SPAG16: variants seen among roughly 807,000 people sequenced by gnomAD.
SPAG16 encodes the protein sperm-associated antigen 16 protein.
Under a neutral mutation model 80.4 loss-of-function variants are expected in SPAG16, and 86 were observed. That is an observed-to-expected ratio of 1.07 (90% CI 0.90 to 1.28). SPAG16 has a LOEUF of 1.28. SPAG16 is among the 50% of genes most tolerant of loss of function. The pLI is 0.00. For synonymous variants in SPAG16, 294 were observed against 265.9 expected (o/e 1.11, Z -1.03); for missense variants, 870 against 765.3 (o/e 1.14, Z -1.61).
At chr2:214,352,415 T>C (rs539551027) in intron 15 of SPAG16, among the ~76,000 whole-genome samples, 1 of 152,352 alleles carries the variant, frequency 6.6e-6, no homozygotes, top group Non-Finnish European at 1.5e-5. Flanking sequence ...ACTTGAAAAT[T>C]CCCAAATACT....
intron 10 of SPAG16, among the ~76,000 whole-genome samples, chr2:213,843,820 C>T (rs2074480589): frequency 6.6e-6 from 1 of 152,146 alleles, no homozygotes; most frequent in Non-Finnish European, 1.5e-5. Context: ...CACTGCACTC[C>T]AGCCTGGGCG....
chr2:214,172,866 T>C (rs1457959607), intron 15 of SPAG16, among the ~76,000 whole-genome samples: 2 of 152,184 alleles, frequency 1.3e-5, no homozygotes, highest in Non-Finnish European at 1.5e-5. Flanking sequence ...GGTGAACATT[T>C]TTTCATGTGT....
chr2:213,603,167 A>T (rs906793328), intron 10 of SPAG16, among the ~76,000 whole-genome samples: 1 of 152,230 alleles, frequency 6.6e-6, no homozygotes, highest in African/African-American at 2.4e-5. Context: ...GAAATATAAC[A>T]GCTGTTTTAT....
At chr2:214,021,742 A>G (rs1461555154) in intron 13 of SPAG16, among the ~76,000 whole-genome samples, 1 of 152,164 alleles carries the variant, frequency 6.6e-6, no homozygotes, top group Non-Finnish European at 1.5e-5. Flanking sequence ...ACTGTGTTAC[A>G]CCTTGCTTTG....
intron 10 of SPAG16, among the ~76,000 whole-genome samples, chr2:213,515,918 A>G (rs2075405480): frequency 6.6e-6 from 1 of 152,210 alleles, no homozygotes; most frequent in Non-Finnish European, 1.5e-5. Context: ...TGAAGTAGGA[A>G]TTGCTCAATG....
intron 14 of SPAG16, among the ~76,000 whole-genome samples, chr2:214,133,213 C>A (rs538166517): frequency 6.6e-6 from 1 of 152,076 alleles, no homozygotes; most frequent in South Asian, 2.1e-4. Context: ...GAGGTGGGGG[C>A]TATTTCGTGC....
intron 13 of SPAG16, among the ~76,000 whole-genome samples, chr2:214,076,981 A>C (rs555038588): frequency 1.1e-4 from 16 of 152,214 alleles, no homozygotes; most frequent in Admixed American, 9.8e-4. Flanking sequence ...TTGGAAATGA[A>C]CCCAGGCCGC....
chr2:213,825,749 T>A (rs1244090911), intron 10 of SPAG16, among the ~76,000 whole-genome samples: 2 of 148,858 alleles, frequency 1.3e-5, no homozygotes, highest in Admixed American at 1.3e-4. Flanking sequence ...CGTTTAGGTA[T>A]CATGGTTAAC....
intron 15 of SPAG16, among the ~76,000 whole-genome samples, chr2:214,206,183 A>ATAT (rs139038580): frequency 9.9e-5 from 15 of 151,868 alleles, no homozygotes; most frequent in Non-Finnish European, 1.8e-4. Flanking sequence ...TGTCTCAAAA[A>ATAT]ATATATATAT....
At chr2:214,305,259 ACT>A (rs1321317909) in intron 15 of SPAG16, among the ~76,000 whole-genome samples, 2 of 151,222 alleles carry the variant, frequency 1.3e-5, no homozygotes, top group Non-Finnish European at 2.9e-5. Context: ...TTTCTTGTAG[ACT>A]CTTGTTATTA....
chr2:213,482,165 A>G (rs1395863539), intron 9 of SPAG16, among the ~76,000 whole-genome samples: 1 of 152,270 alleles, frequency 6.6e-6, no homozygotes, highest in Non-Finnish European at 1.5e-5. Flanking sequence ...CGCTCATCAT[A>G]ATCACTGAGG....
chr2:213,883,624 C>T (rs1458339970), intron 11 of SPAG16, among the ~76,000 whole-genome samples: 1 of 152,150 alleles, frequency 6.6e-6, no homozygotes, highest in Non-Finnish European at 1.5e-5. Flanking sequence ...AAGTCTCCCA[C>T]TATTATAGTG....
At chr2:213,293,505 G>T (rs1462633257) in intron 1 of SPAG16, among the ~76,000 whole-genome samples, 1 of 152,180 alleles carries the variant, frequency 6.6e-6, no homozygotes, top group African/African-American at 2.4e-5. Context: ...CTTATTCTGG[G>T]GGTAGTTAGC....
In SPAG16 at chr2:214,322,509, C is replaced by CCA. The variant is rs1553555390; in HGVS notation, c.1721-87631_1721-87630insCA. On this transcript the variant is annotated intron_variant, in intron 15 of 15. Coordinates refer to ENST00000331683, the MANE Select transcript of SPAG16 (RefSeq NM_024532.5). The stretch of plus-strand genomic sequence containing the variant: ...GCATACAGAAATGCCTCACCTTAGG[C>CCA]AAAAAAAAAAAAGGCATCAGAAAAA... Among the ~76,000 whole-genome samples, 12 of 136,860 alleles carry CCA rather than the reference C, an allele frequency of 8.8e-5. No homozygotes were observed. In the East Asian group the frequency reaches 2.5e-3, roughly 29 times the overall value. 89.8% of individuals were successfully genotyped at this position (136,860 alleles called of 152,430 possible).
At chr2:213,613,706 T>C in intron 10 of SPAG16, among the ~76,000 whole-genome samples, 1 of 150,922 alleles carries the variant, frequency 6.6e-6, no homozygotes, top group East Asian at 1.9e-4. Context: ...TTCTCTAGAA[T>C]GCATTTTTTT....
At chr2:213,623,872 T>A (rs2061868005) in intron 10 of SPAG16, among the ~76,000 whole-genome samples, 1 of 152,028 alleles carries the variant, frequency 6.6e-6, no homozygotes, top group African/African-American at 2.4e-5. Context: ...AAATATACTC[T>A]TAAAGGTGAA....
chr2:214,255,873 G>A (rs151274231), intron 15 of SPAG16, among the ~76,000 whole-genome samples: 97 of 151,978 alleles, frequency 6.4e-4, no homozygotes, highest in African/African-American at 2.1e-3. Flanking sequence ...ATTAATGTGG[G>A]CATGAGGTGT....
chr2:214,406,477 TC>T (rs1347188691), intron 15 of SPAG16, among the ~76,000 whole-genome samples: 1 of 152,154 alleles, frequency 6.6e-6, no homozygotes, highest in Admixed American at 6.5e-5. Flanking sequence ...TTCAAGGGAT[TC>T]TATTGTTAAT....
At chr2:213,974,444 A>G (rs2045250898) in intron 12 of SPAG16, among the ~76,000 whole-genome samples, 1 of 151,972 alleles carries the variant, frequency 6.6e-6, no homozygotes, top group Non-Finnish European at 1.5e-5. Flanking sequence ...TATGACACCT[A>G]AGATTTTTAA....
Sources: allele counts gnomAD v4.1 joint callset (sites outside exome capture counted in the v4.1 genomes callset), GRCh38; gene constraint gnomAD v4.1.1; transcripts MANE v1.5; gene names NCBI Gene and HGNC (gene_info 2026-07-23, HGNC 2026-07-21).